CHL1: variants seen among roughly 807,000 people sequenced by gnomAD.
CHL1 encodes the protein cell adhesion molecule L1 like, also known as neural cell adhesion molecule L1-like protein.
In CHL1, 96 loss-of-function variants were observed where a neutral mutation model predicts 141.9. The observed-to-expected ratio is 0.68, with a 90% CI of 0.57 to 0.80. CHL1 has a LOEUF of 0.80. CHL1 is among the 30% of genes least tolerant of loss of function. The pLI is 0.00. For synonymous variants in CHL1, 613 were observed against 502.2 expected (o/e 1.22, Z -2.95); for missense variants, 1,820 against 1,457.2 (o/e 1.25, Z -4.05).
Position 343,022 on chromosome 3 carries a change from G to C in CHL1, c.718G>C (p.Gly240Arg), listed in dbSNP as rs771557730. The C allele has an allele frequency of 5.6e-6, 9 of 1,606,858 alleles. No homozygotes were observed. Among genetic ancestry groups the C allele is most frequent in the Middle Eastern group, 1.7e-4 (1 of 6,056 alleles). ...TGACTCAAGTTCATCCACAGAAATT[G>C]GTTCCAAGGGTAAGTTGAACCCATG... ...ANDSSSSTEI[G>R]SKANSIKQRK... The change falls in exon 8 of 28, where the codon GGT becomes CGT. Residue 240 changes from glycine to arginine, a missense_variant. Coordinates refer to ENST00000256509, the MANE Select transcript of CHL1 (RefSeq NM_006614.4).
intron 2 of CHL1, among the ~76,000 whole-genome samples, chr3:292,828 A>C (rs1277491187): frequency 6.6e-6 from 1 of 152,134 alleles, no homozygotes; most frequent in South Asian, 2.1e-4. Context: ...ACCAGATCTC[A>C]AGAGAACTCA....
intron 1 of CHL1, among the ~76,000 whole-genome samples, chr3:214,285 C>T (rs1192411423): frequency 6.6e-6 from 1 of 152,114 alleles, no homozygotes; most frequent in Non-Finnish European, 1.5e-5. Flanking sequence ...CTTCTAGGGC[C>T]TGGTTTTCAG....
intron 2 of CHL1, among the ~76,000 whole-genome samples, chr3:295,800 T>C (rs1698136246): frequency 2.0e-5 from 3 of 152,204 alleles, no homozygotes; most frequent in South Asian, 2.1e-4. Flanking sequence ...ATTAACTATA[T>C]GCAAGTTAAC....
chr3:198,321 G>A (rs1490351338), intron 1 of CHL1, among the ~76,000 whole-genome samples: 1 of 151,994 alleles, frequency 6.6e-6, no homozygotes, highest in Non-Finnish European at 1.5e-5. Context: ...GGGCCGGCGA[G>A]CGGCTGCCCT....
intron 2 of CHL1, among the ~76,000 whole-genome samples, chr3:287,027 A>T (rs1293685593): frequency 6.6e-6 from 1 of 151,792 alleles, no homozygotes; most frequent in African/African-American, 2.4e-5. Context: ...TCTTGTGCCA[A>T]CCTCCTATCT....
intron 1 of CHL1, chr3:198,058 C>A: frequency 3.3e-6 from 1 of 305,086 alleles, no homozygotes; most frequent in African/African-American, 2.2e-5. Context: ...TGCGAAAAAC[C>A]ACGGGCCGGA....
At chr3:401,746 G>C in intron 27 of CHL1, 48 bp downstream of exon 27, 1 of 1,097,670 alleles carries the variant, frequency 9.1e-7, no homozygotes, top group Non-Finnish European at 1.3e-6. Flanking sequence ...TCATCATGTT[G>C]AAAGCTTAAG....
chr3:264,201 T>C (rs145357030), intron 2 of CHL1, among the ~76,000 whole-genome samples: 110 of 152,312 alleles, frequency 7.2e-4, no homozygotes, highest in African/African-American at 2.4e-3. Context: ...GAATAGGAGA[T>C]ATGAATTATT....
intron 1 of CHL1, among the ~76,000 whole-genome samples, chr3:215,625 A>G (rs369274782): frequency 2.0e-5 from 3 of 152,208 alleles, no homozygotes; most frequent in African/African-American, 4.8e-5. Flanking sequence ...CATGTATCCA[A>G]TCATTATGAT....
chr3:313,597 C>G (rs1300126818), intron 2 of CHL1, among the ~76,000 whole-genome samples: 1 of 152,068 alleles, frequency 6.6e-6, no homozygotes, highest in African/African-American at 2.4e-5. Flanking sequence ...GATTATTATT[C>G]AGAGTACATT....
chr3:398,333 T>G lies in CHL1; in HGVS notation c.3201T>G (p.Asn1067Lys), dbSNP rs563942956. ...AEHIVRLMTK[N>K]WGDNDSIFQD... Reference sequence around the variant, plus strand: ...ATATAGTTCGCCTAATGACTAAGAATTGGGGCGATAATGATAGCATTTTTC... The same window carrying G: ...ATATAGTTCGCCTAATGACTAAGAAGTGGGGCGATAATGATAGCATTTTTC... The change falls in exon 25 of 28, where the codon AAT becomes AAG. Residue 1067 changes from asparagine to lysine, a missense_variant. Transcript: ENST00000256509. 1.2e-6 allele frequency: 2 copies of G among 1,607,978 alleles called. No individual in the cohort carries two copies. The highest frequency in any genetic ancestry group is 8.5e-7 in the Non-Finnish European group (1 of 1,174,524).
At chr3:202,825 G>A (rs761112592) in intron 1 of CHL1, among the ~76,000 whole-genome samples, 4 of 152,186 alleles carry the variant, frequency 2.6e-5, no homozygotes, top group Non-Finnish European at 4.4e-5. Context: ...TTCATTTACT[G>A]TGTATAATTT....
chr3:404,702 A>T (rs1023348652), intron 27 of CHL1, among the ~76,000 whole-genome samples: 6 of 152,190 alleles, frequency 3.9e-5, no homozygotes, highest in Admixed American at 2.6e-4. Context: ...AGAACATTTT[A>T]TCAGGATATA....
intron 2 of CHL1, among the ~76,000 whole-genome samples, chr3:268,986 G>A (rs1432094550): frequency 6.6e-6 from 1 of 152,178 alleles, no homozygotes; most frequent in East Asian, 1.9e-4. Context: ...TGTAGCTGTT[G>A]TTGCTCTCAA....
intron 25 of CHL1, among the ~76,000 whole-genome samples, chr3:398,737 G>A (rs1293764783): frequency 3.3e-5 from 5 of 152,066 alleles, no homozygotes; most frequent in South Asian, 2.1e-4. Context: ...TTTGCTCCTT[G>A]CTGCTTCTGA....
intron 2 of CHL1, among the ~76,000 whole-genome samples, chr3:299,349 T>G (rs1412316509): frequency 6.6e-6 from 1 of 152,078 alleles, no homozygotes; most frequent in East Asian, 1.9e-4. Flanking sequence ...GGGAAGAGAA[T>G]GAGATGGGCT....
intron 10 of CHL1, among the ~76,000 whole-genome samples, chr3:351,480 A>G (rs1575138783): frequency 6.6e-6 from 1 of 152,170 alleles, no homozygotes; most frequent in Non-Finnish European, 1.5e-5. Context: ...GGTAATAAAT[A>G]AAAACTTTGT....
intron 19 of CHL1, among the ~76,000 whole-genome samples, chr3:387,692 C>T (rs1434686982): frequency 1.3e-5 from 2 of 152,176 alleles, no homozygotes; most frequent in Non-Finnish European, 2.9e-5. Flanking sequence ...GCACTACAAG[C>T]CCATGGCCTA....
intron 1 of CHL1, among the ~76,000 whole-genome samples, chr3:231,933 A>T (rs760461960): frequency 2.6e-5 from 4 of 152,150 alleles, no homozygotes; most frequent in Non-Finnish European, 5.9e-5. Context: ...CTATACTTTC[A>T]GCTTACCTAG....
Sources: gnomAD v4.1 joint callset for allele counts (sites outside exome capture counted in the v4.1 genomes callset) on GRCh38, gnomAD v4.1.1 for gene constraint, MANE v1.5 for transcripts, NCBI Gene and HGNC (gene_info 2026-07-23, HGNC 2026-07-21) for gene names.